Variants in GARNL3 observed in about 807,000 individuals in gnomAD.
GARNL3 encodes the protein GTPase activating Rap/RanGAP domain like 3, also known as GTPase-activating Rap/Ran-GAP domain-like protein 3.
A neutral mutation model predicts 125.0 loss-of-function variants in GARNL3; 63 were observed. That is an observed-to-expected ratio of 0.50 (90% CI 0.41 to 0.62). The LOEUF is 0.62. GARNL3 is among the 20% of genes least tolerant of loss of function. The probability of loss-of-function intolerance (pLI) is 0.00; values close to 1 mark genes in which losing one functional copy is unlikely to be tolerated. For synonymous variants in GARNL3, 439 were observed against 457.5 expected, an observed-to-expected ratio of 0.96 and a Z score of 0.52; for missense variants, 994 against 1,244.0, an observed-to-expected ratio of 0.80 and a Z score of 3.02.
chr9:127,264,973 C>A lies in GARNL3; in HGVS notation c.96C>A (p.Gly32=). The change falls in exon 1 of 28, where the codon GGC becomes GGA. Residue 32 remains glycine, a synonymous_variant. Transcript: ENST00000373387. The part of the protein sequence containing the change: ...FCSSSVSEDL[G]CRRGDFSRKH... ...CCAGCTCTGTCTCGGAAGACCTAGG[C>A]TGTAGACGTGGGGATTTCAGTAGGA... 1 of 1,613,102 alleles carries A rather than the reference C, an allele frequency of 6.2e-7. No homozygotes were observed.
intron 2 of GARNL3, among the ~76,000 whole-genome samples, chr9:127,310,499 A>T (rs557423037): frequency 5.9e-5 from 9 of 152,210 alleles, no homozygotes; most frequent in Non-Finnish European, 1.3e-4. Flanking sequence ...AATGTTATAC[A>T]GGCCAGGCGT....
intron 16 of GARNL3, among the ~76,000 whole-genome samples, 180 bp downstream of exon 16, chr9:127,345,657 T>C: frequency 6.6e-6 from 1 of 152,238 alleles, no homozygotes; most frequent in East Asian, 1.9e-4. Context: ...TGTGTTGCCA[T>C]GGTATGCACA....
chr9:127,345,489 A>G lies in GARNL3; in HGVS notation c.1431+12A>G. On this transcript the variant is annotated intron_variant, in intron 16 of 27. Coordinates refer to ENST00000373387, the MANE Select transcript of GARNL3 (RefSeq NM_032293.5). ...TCTGTAAAAAAGAGGTGAGTTCATGATACTTTCAATTTGAACTTTGAATTC... is the reference window on the plus strand; with the variant it reads ...TCTGTAAAAAAGAGGTGAGTTCATGGTACTTTCAATTTGAACTTTGAATTC... 1 of 1,519,284 alleles carries G rather than the reference A, an allele frequency of 6.6e-7. No individual in the cohort carries two copies. The highest frequency in any genetic ancestry group is 9.0e-7 in the Non-Finnish European group (1 of 1,110,172). 94.1% of individuals were successfully genotyped at this position (1,519,284 alleles called of 1,614,324 possible).
intron 2 of GARNL3, among the ~76,000 whole-genome samples, chr9:127,258,601 T>A (rs992360512): frequency 1.3e-5 from 2 of 152,164 alleles, no homozygotes; most frequent in Non-Finnish European, 2.9e-5. Flanking sequence ...ATGCTGCCAC[T>A]GCACTCCATC....
upstream of GARNL3, chr9:127,263,570 G>A (rs989937535): frequency 4.6e-5 from 22 of 477,166 alleles, no homozygotes; most frequent in Non-Finnish European, 5.5e-5. Context: ...TAAGAAAATA[G>A]GCGTAGAGGA....
At chr9:127,386,505 C>G (rs1402940538) in intron 24 of GARNL3, among the ~76,000 whole-genome samples, 2 of 152,208 alleles carry the variant, frequency 1.3e-5, no homozygotes, top group Non-Finnish European at 2.9e-5. Context: ...CATTATCCCC[C>G]ATGGTGCAGT....
upstream of GARNL3, among the ~76,000 whole-genome samples, chr9:127,262,096 C>T (rs1353341915): frequency 6.6e-6 from 1 of 152,164 alleles, no homozygotes; most frequent in Non-Finnish European, 1.5e-5. Context: ...TCTTTCCAGC[C>T]TCTGAGATCC....
At chr9:127,368,556 C>T (rs1390078102) in intron 22 of GARNL3, among the ~76,000 whole-genome samples, 2 of 148,636 alleles carry the variant, frequency 1.3e-5, no homozygotes. Flanking sequence ...GTCTCGAACT[C>T]CTGACCTCAG....
chr9:127,259,468 G>C (rs780596153), upstream of GARNL3, among the ~76,000 whole-genome samples: 1 of 152,082 alleles, frequency 6.6e-6, no homozygotes, highest in Non-Finnish European at 1.5e-5. Context: ...AGGTTTCAAA[G>C]TCTCTTCCCC....
chr9:127,318,080 C>G lies in GARNL3; in HGVS notation c.456C>G (p.Cys152Trp), dbSNP rs779966047. The G allele has an allele frequency of 1.9e-6, 3 of 1,607,784 alleles. No homozygotes were observed. Among genetic ancestry groups the G allele is most frequent in the Middle Eastern group, 1.7e-4 (1 of 6,054 alleles). The part of the protein sequence containing the change: ...LWRKTGTQKI[C>W]LPYSPTKTLS... The stretch of plus-strand genomic sequence containing the variant: ...TTTTCCAGGGTACCCAGAAAATATG[C>G]CTTCCCTACAGTCCCACAAAAACTC... Residue 152 changes from cysteine (C) to tryptophan (W), a missense_variant, in exon 5 of 28, where the codon TGC becomes TGG. Around this residue, in one of 5 missense-constraint regions of GARNL3, gnomAD observed 139 missense variants for 231.6 expected, o/e 0.60. Transcript: ENST00000373387.
Position 127,336,142 on chromosome 9 carries a change from C to T in GARNL3, c.888C>T (p.Arg296=), listed in dbSNP as rs150135357. The T allele has an allele frequency of 4.3e-5, 69 of 1,613,252 alleles. No homozygotes were observed. In the African/African-American group the frequency reaches 6.7e-4, roughly 16 times the overall value. The change falls in exon 11 of 28, where the codon CGC becomes CGT. Residue 296 remains arginine, a synonymous_variant. Coordinates refer to ENST00000373387, the MANE Select transcript of GARNL3 (RefSeq NM_032293.5). ...GCTCACTACAGGTGGAAAGGAAACG[C>T]CACATTGGAAACGATATCGTCACCA... ...KENKQQVERK[R]HIGNDIVTIV...
At position 127,349,010 on chromosome 9, in the gene GARNL3, T is replaced by C. The variant is rs762166554; in HGVS notation, c.1518T>C (p.Thr506=). ...GGGGCCAGGCCTTGCTGGTTTCCACTGATGCTGGCGTCTTGCTAGTGGATG... is the reference window on the plus strand; with the variant it reads ...GGGGCCAGGCCTTGCTGGTTTCCACCGATGCTGGCGTCTTGCTAGTGGATG... ...DPWGQALLVS[T]DAGVLLVDDD... The change falls in exon 17 of 28, where the codon ACT becomes ACC. Residue 506 remains threonine (T), a synonymous_variant. Coordinates refer to ENST00000373387, the MANE Select transcript of GARNL3 (RefSeq NM_032293.5). The C allele has an allele frequency of 2.5e-6, 4 of 1,613,756 alleles. No homozygotes were observed. In the East Asian group the frequency reaches 8.9e-5, roughly 36 times the overall value.
At chr9:127,300,401 T>C in intron 2 of GARNL3, 1 of 376,912 alleles carries the variant, frequency 2.7e-6, no homozygotes, top group Non-Finnish European at 5.1e-6. Context: ...TCTTTTGTAT[T>C]TTATTCTTCT....
chr9:127,237,638 C>T (rs1171876352), intron 1 of GARNL3, among the ~76,000 whole-genome samples: 1 of 152,158 alleles, frequency 6.6e-6, no homozygotes, highest in Non-Finnish European at 1.5e-5. Context: ...GCCAAAGGTT[C>T]CCTGTACATG....
chr9:127,322,249 CCCCCACA>C (rs1357506147), intron 6 of GARNL3, among the ~76,000 whole-genome samples: 1 of 152,006 alleles, frequency 6.6e-6, no homozygotes, highest in Non-Finnish European at 1.5e-5. Context: ...TTGGTCTGAT[CCCCCACA>C]CCAACTCTGC....
intron 7 of GARNL3, among the ~76,000 whole-genome samples, chr9:127,331,784 G>A (rs1038279795): frequency 1.5e-5 from 2 of 131,666 alleles, no homozygotes; most frequent in African/African-American, 5.6e-5. Context: ...AGGAATTGGG[G>A]AAAATGAGCT....
Position 127,353,967 on chromosome 9 carries a change from A to G in GARNL3, c.1642+23A>G, listed in dbSNP as rs576280835. On this transcript the variant is annotated intron_variant, in intron 18 of 27. Coordinates refer to ENST00000373387, the MANE Select transcript of GARNL3 (RefSeq NM_032293.5). ...AAGGTGGTATTCCCTGCCGGGTGGC[A>G]TGCTGTGGAGGAAGGAAAACAGTTG... 1.2e-5 allele frequency: 18 copies of G among 1,521,792 alleles called. No individual in the cohort carries two copies. In the African/African-American group the frequency reaches 1.9e-4, roughly 16 times the overall value. 94.3% of individuals were successfully genotyped at this position (1,521,792 alleles called of 1,614,324 possible).
intron 22 of GARNL3, among the ~76,000 whole-genome samples, chr9:127,382,839 T>A (rs1178077983): frequency 1.3e-5 from 2 of 152,172 alleles, no homozygotes; most frequent in South Asian, 4.1e-4. Context: ...TCAAGTCCTC[T>A]TGAATAATAA....
intron 2 of GARNL3, among the ~76,000 whole-genome samples, chr9:127,248,763 A>G (rs977281035): frequency 2.0e-5 from 3 of 151,222 alleles, no homozygotes; most frequent in Non-Finnish European, 2.9e-5. Context: ...GTGCGCCACC[A>G]TGCCCAGTTA....
Sources: gnomAD v4.1 joint callset for allele counts (sites outside exome capture counted in the v4.1 genomes callset) on GRCh38, gnomAD v4.1.1 for gene constraint, gnomAD v4.1.1 regional missense constraint, MANE v1.5 for transcripts, NCBI Gene and HGNC (gene_info 2026-07-23, HGNC 2026-07-21) for gene names.